Variants in HNF4A observed in about 807,000 individuals in gnomAD.
HNF4A encodes hepatocyte nuclear factor 4-alpha.
HNF4A carries 15 observed loss-of-function variants against 52.4 expected under a neutral mutation model. The ratio of observed to expected loss-of-function variants is 0.29; its 90% CI spans 0.19 to 0.44. The LOEUF (loss-of-function observed/expected upper bound fraction) is 0.44, where lower values mean the gene tolerates loss of function less well. Among genes scored for constraint, HNF4A ranks in the 20% least tolerant of loss-of-function variants. The probability of loss-of-function intolerance (pLI) is 1.00; values close to 1 mark genes in which losing one functional copy is unlikely to be tolerated. For synonymous variants in HNF4A, 280 were observed against 264.4 expected, an observed-to-expected ratio of 1.06 and a Z score of -0.57; for missense variants, 479 against 647.2, an observed-to-expected ratio of 0.74 and a Z score of 2.82.
intron 1 of HNF4A, among the ~76,000 whole-genome samples, chr20:44,387,066 G>A (rs2063233541): frequency 6.6e-6 from 1 of 151,996 alleles, no homozygotes; most frequent in Admixed American, 6.6e-5. Flanking sequence ...ACTCTGGGAG[G>A]CCGAGGTGGG....
At chr20:44,396,890 A>G (rs1322309792), upstream of HNF4A, among the ~76,000 whole-genome samples, 1 of 152,216 alleles carries the variant, frequency 6.6e-6, no homozygotes, top group Non-Finnish European at 1.5e-5. Context: ...TCTGACCCAC[A>G]AGGTCTGTGG....
upstream of HNF4A, among the ~76,000 whole-genome samples, chr20:44,400,859 A>G (rs1341866130): frequency 6.6e-6 from 1 of 151,992 alleles, no homozygotes; most frequent in Non-Finnish European, 1.5e-5. Context: ...ATCTCTGCAA[A>G]AGCATTGAGG....
At chr20:44,417,698 C>T (rs563845705) in intron 5 of HNF4A, among the ~76,000 whole-genome samples, 2 of 152,190 alleles carry the variant, frequency 1.3e-5, no homozygotes, top group East Asian at 1.9e-4. Flanking sequence ...TCAGGCCGGG[C>T]GCAGTGGTTC....
At chr20:44,413,452 G>A (rs1027599115) in intron 3 of HNF4A, among the ~76,000 whole-genome samples, 16 of 152,132 alleles carry the variant, frequency 1.1e-4, no homozygotes, top group Admixed American at 7.9e-4. Flanking sequence ...ACTGTCTTGC[G>A]CGCCCCTGCT....
At chr20:44,402,702 C>T in intron 1 of HNF4A, 1 of 1,086,544 alleles carries the variant, frequency 9.2e-7, no homozygotes, top group Non-Finnish European at 1.3e-6. Flanking sequence ...CCATCGGTCC[C>T]AGGCCAGCCT....
At position 44,429,698 on chromosome 20, in the gene HNF4A, C is replaced by T. The variant is rs776697151; in HGVS notation, c.*33C>T. 1.2e-6 allele frequency: 2 copies of T among 1,606,198 alleles called. No homozygotes were observed. The highest frequency in any genetic ancestry group is 2.2e-5 in the East Asian group (1 of 44,788). On this transcript the variant is annotated 3_prime_UTR_variant, in exon 10 of 10. Transcript: ENST00000316099. ...CTGGGGCTTGGGGGCTCCACTGGCTCCCCCCAGCCCCCTAAGAGAGCACCT... is the reference window on the plus strand; with the variant it reads ...CTGGGGCTTGGGGGCTCCACTGGCTTCCCCCAGCCCCCTAAGAGAGCACCT...
chr20:44,366,958 C>G (rs1394262346), intron 1 of HNF4A, among the ~76,000 whole-genome samples: 2 of 152,118 alleles, frequency 1.3e-5, no homozygotes, highest in East Asian at 3.9e-4. Flanking sequence ...GATCTGGGAC[C>G]CGGCTCATTT....
chr20:44,376,687 A>G (rs1032006381), intron 1 of HNF4A, among the ~76,000 whole-genome samples: 8 of 152,112 alleles, frequency 5.3e-5, no homozygotes, highest in South Asian at 4.1e-4. Flanking sequence ...GGTATTTATC[A>G]TGTGTATTTG....
intron 1 of HNF4A, among the ~76,000 whole-genome samples, chr20:44,405,836 G>A (rs754178495): frequency 8.5e-5 from 13 of 152,156 alleles, no homozygotes; most frequent in Non-Finnish European, 1.9e-4. Context: ...GGAAGACGCA[G>A]ACCCTCAGAA....
chr20:44,413,645 C>T, intron 3 of HNF4A, 49 bp from the exon 4 acceptor site: 2 of 1,393,250 alleles, frequency 1.4e-6, no homozygotes, highest in Non-Finnish European at 2.0e-6. Flanking sequence ...ACCCCCACCC[C>T]CTACTCCATC....
intron 1 of HNF4A, among the ~76,000 whole-genome samples, chr20:44,358,238 G>A (rs185381721): frequency 7.2e-6 from 1 of 139,808 alleles, no homozygotes; most frequent in African/African-American, 2.6e-5. Flanking sequence ...AAGTCTGCTG[G>A]AAGGCTCCAG....
At chr20:44,373,318 G>A (rs1459506917) in intron 1 of HNF4A, among the ~76,000 whole-genome samples, 3 of 151,832 alleles carry the variant, frequency 2.0e-5, no homozygotes, top group Non-Finnish European at 4.4e-5. Context: ...CCTGTCTAAC[G>A]TTTACTTTTT....
At chr20:44,362,645 T>A (rs1163530176) in intron 1 of HNF4A, among the ~76,000 whole-genome samples, 1 of 152,118 alleles carries the variant, frequency 6.6e-6, no homozygotes. Context: ...AAATATTATC[T>A]CCATTTTATA....
chr20:44,363,706 CTTTT>C (rs11480026), intron 1 of HNF4A, among the ~76,000 whole-genome samples: 27 of 107,490 alleles, frequency 2.5e-4, no homozygotes, highest in African/African-American at 8.7e-4. Context: ...TCCATCTACT[CTTTT>C]TTTTTTTTTT....
At chr20:44,400,717 G>A (rs1214617646), upstream of HNF4A, among the ~76,000 whole-genome samples, 1 of 152,210 alleles carries the variant, frequency 6.6e-6, no homozygotes, top group Non-Finnish European at 1.5e-5. Flanking sequence ...CAAACTTCCA[G>A]TCCATTCTGC....
chr20:44,367,752 G>A (rs2062984664), intron 1 of HNF4A, among the ~76,000 whole-genome samples: 1 of 151,928 alleles, frequency 6.6e-6, no homozygotes, highest in Non-Finnish European at 1.5e-5. Flanking sequence ...TTCAAGACCA[G>A]CCTGAGCTAC....
At chr20:44,358,590 A>G (rs922975357) in intron 1 of HNF4A, among the ~76,000 whole-genome samples, 2 of 152,146 alleles carry the variant, frequency 1.3e-5, no homozygotes, top group Admixed American at 6.6e-5. Flanking sequence ...CAGCTTGGGC[A>G]GCAGAACAAG....
chr20:44,375,041 T>C (rs1196671187), intron 1 of HNF4A, among the ~76,000 whole-genome samples: 1 of 152,208 alleles, frequency 6.6e-6, no homozygotes, highest in Admixed American at 6.5e-5. Context: ...ATTCTTCAGA[T>C]ATCAAGGGTG....
chr20:44,415,326 G>A (rs1273643463), intron 5 of HNF4A, among the ~76,000 whole-genome samples: 2 of 152,144 alleles, frequency 1.3e-5, no homozygotes, highest in African/African-American at 2.4e-5. Flanking sequence ...CCACCAAAAC[G>A]ATTGAACTCA....
Sources: allele counts gnomAD v4.1 joint callset (sites outside exome capture counted in the v4.1 genomes callset), GRCh38; gene constraint gnomAD v4.1.1; transcripts MANE v1.5; gene names NCBI Gene and HGNC (gene_info 2026-07-23, HGNC 2026-07-21).